The following ECPAS variants were observed in gnomAD, a reference collection of about 807,000 sequenced individuals.
The protein encoded by ECPAS is proteasome adapter and scaffold protein ECM29.
In ECPAS, 70 loss-of-function variants were observed where a neutral mutation model predicts 255.1. The ratio of observed to expected loss-of-function variants is 0.27; its 90% CI spans 0.23 to 0.33. The LOEUF is 0.33. Among genes scored for constraint, ECPAS ranks in the 10% least tolerant of loss-of-function variants. The pLI is 1.00. For missense variants in ECPAS, 1,817 were observed against 2,206.4 expected, an observed-to-expected ratio of 0.82 and a Z score of 3.54; for synonymous variants, 784 against 775.0, an observed-to-expected ratio of 1.01 and a Z score of -0.19.
chr9:111,421,407 A>ATGTGTG (rs1554790357), intron 15 of ECPAS, among the ~76,000 whole-genome samples: 6 of 127,354 alleles, frequency 4.7e-5, no homozygotes, highest in African/African-American at 1.8e-4. Context: ...CATATTACAT[A>ATGTGTG]TATGTGTGTG....
chr9:111,437,246 T>G (rs1474609195), intron 6 of ECPAS, 138 bp from the exon 7 acceptor site: 2 of 719,092 alleles, frequency 2.8e-6, no homozygotes, highest in Non-Finnish European at 4.0e-6. Context: ...TAAAATTTCA[T>G]CATAAAAAAA....
chr9:111,465,041 G>C (rs1471129535), intron 2 of ECPAS, among the ~76,000 whole-genome samples: 4 of 151,554 alleles, frequency 2.6e-5, no homozygotes, highest in Non-Finnish European at 5.9e-5. Context: ...AGGAGGCTGA[G>C]GCAGGAGAAT....
Position 111,397,075 on chromosome 9 carries a change from G to T in ECPAS, c.2731C>A (p.Arg911=). 6.2e-7 allele frequency: 1 copy of T among 1,613,874 alleles called. No homozygotes were observed. Among genetic ancestry groups the T allele is most frequent in the South Asian group, 1.1e-5 (1 of 91,078 alleles). The change falls in exon 25 of 50, where the codon CGA becomes AGA. Residue 911 remains arginine (R), a synonymous_variant. Transcript: ENST00000684092. Reference sequence around the variant, plus strand: ...TCTTCAGTCATTTGCCAGGCATCTCGGGCAGCCACAGAACTAGTTCCTATT... The same window carrying T: ...TCTTCAGTCATTTGCCAGGCATCTCTGGCAGCCACAGAACTAGTTCCTATT... ...AAIGTSSVAA[R]DAWQMTEEEY...
At chr9:111,408,754 C>G (rs1412554208) in intron 23 of ECPAS, 82 bp from the exon 24 acceptor site, 13 of 746,258 alleles carry the variant, frequency 1.7e-5, no homozygotes, top group Non-Finnish European at 2.7e-5. Context: ...AATGAGATGA[C>G]AGGGAAGCGC....
At chr9:111,402,210 G>GAGA (rs1179798273) in intron 24 of ECPAS, among the ~76,000 whole-genome samples, 1 of 152,156 alleles carries the variant, frequency 6.6e-6, no homozygotes, top group Non-Finnish European at 1.5e-5. Context: ...ATGTTCTTCT[G>GAGA]CCACAGCTTC....
chr9:111,423,326 C>T (rs2098216978), intron 12 of ECPAS, 78 bp from the exon 13 acceptor site: 8 of 970,582 alleles, frequency 8.2e-6, no homozygotes, highest in Non-Finnish European at 1.3e-5. Context: ...AACAGTAAAA[C>T]CTTTTCGCTG....
intron 24 of ECPAS, among the ~76,000 whole-genome samples, chr9:111,398,068 G>C (rs957541154): frequency 6.6e-6 from 1 of 152,186 alleles, no homozygotes; most frequent in Non-Finnish European, 1.5e-5. Context: ...GGAGAAATAA[G>C]GGAATGAACA....
chr9:111,410,056 A>C lies in ECPAS; in HGVS notation c.2535T>G (p.Ser845Arg). ...VESLLSRIPS[S>R]KETNKMKERA... is the part of the protein sequence containing the mutation. ...AAAAACTTACCTTATTTGTTTCTTT[A>C]CTGGAAGGTATTCTACTTAGTAAGC... is the stretch of plus-strand genomic sequence containing the variant. The change falls in exon 23 of 50, where the codon AGT becomes AGG. Residue 845 changes from serine to arginine, a missense_variant. By Grantham distance (110) the Ser-to-Arg change is moderately radical. Around this residue, in one of 4 missense-constraint regions of ECPAS, gnomAD observed 194 missense variants for 152.8 expected, o/e 1.27. Coordinates refer to ENST00000684092, the MANE Select transcript of ECPAS (RefSeq NM_001364929.1). 1 of 1,562,682 alleles carries C rather than the reference A, an allele frequency of 6.4e-7. No individual in the cohort carries two copies. Among genetic ancestry groups the C allele is most frequent in the Non-Finnish European group, 8.7e-7 (1 of 1,153,300 alleles).
At position 111,474,210 on chromosome 9, in the gene ECPAS, T is replaced by C. The variant is rs73533554; in HGVS notation, c.-82-1210A>G. On this transcript the variant is annotated intron_variant, in intron 1 of 49. Coordinates refer to ENST00000684092, the MANE Select transcript of ECPAS (RefSeq NM_001364929.1). ...TTCATTCAACAAATAATCTTTCTGC[T>C]GAACACAGACTACCTATCTGTTGAA... Among the ~76,000 whole-genome samples the C allele has an allele frequency of 3.0e-3, 461 of 152,312 alleles. 3 individuals are homozygous for C. Among genetic ancestry groups the C allele is most frequent in the African/African-American group, 0.01 (417 of 41,584 alleles).
At chr9:111,477,990 T>C (rs2098298591) in intron 1 of ECPAS, among the ~76,000 whole-genome samples, 1 of 151,588 alleles carries the variant, frequency 6.6e-6, no homozygotes, top group African/African-American at 2.4e-5. Flanking sequence ...AGTCTTGACT[T>C]CCTGGGTGCA....
At chr9:111,472,805 T>A in intron 2 of ECPAS, 92 bp downstream of exon 2, 1 of 255,948 alleles carries the variant, frequency 3.9e-6, no homozygotes, top group Non-Finnish European at 7.6e-6. Context: ...AACATGAAGA[T>A]CTTGGGGGGA....
At chr9:111,391,395 T>C (rs1244164928) in intron 29 of ECPAS, among the ~76,000 whole-genome samples, 1 of 151,872 alleles carries the variant, frequency 6.6e-6, no homozygotes, top group African/African-American at 2.4e-5. Flanking sequence ...CTGACCAACA[T>C]AGTGAAACCC....
At chr9:111,398,861 C>T (rs947389364) in intron 24 of ECPAS, among the ~76,000 whole-genome samples, 52 of 151,854 alleles carry the variant, frequency 3.4e-4, no homozygotes, top group African/African-American at 1.2e-3. Context: ...CGCTTGAACT[C>T]AGGAGGTGGA....
At chr9:111,476,517 T>A (rs1369281036) in intron 1 of ECPAS, among the ~76,000 whole-genome samples, 1 of 152,080 alleles carries the variant, frequency 6.6e-6, no homozygotes, top group Non-Finnish European at 1.5e-5. Flanking sequence ...AAACTAATGG[T>A]TTTCTTTTTT....
intron 45 of ECPAS, among the ~76,000 whole-genome samples, chr9:111,369,852 T>C (rs896531075): frequency 3.3e-5 from 5 of 152,152 alleles, no homozygotes; most frequent in Non-Finnish European, 7.4e-5. Flanking sequence ...GCAATTCACA[T>C]GGCACACTGA....
chr9:111,480,292 C>CTTT lies in ECPAS; in HGVS notation c.-83+3821_-83+3823dup, dbSNP rs398011866. Among the ~76,000 whole-genome samples the CTTT allele has an allele frequency of 2.1e-3, 136 of 63,596 alleles. 1 individual carries two copies. The highest frequency in any genetic ancestry group is 9.0e-3 in the East Asian group (18 of 2,000). 41.7% of individuals were successfully genotyped at this position (63,596 alleles called of 152,430 possible). On this transcript the variant is annotated intron_variant, in intron 1 of 49. Coordinates refer to ENST00000684092, the MANE Select transcript of ECPAS (RefSeq NM_001364929.1). ...AGTGGAATTCTTAAAAGCACCTTTTCTTTTTTTTTTTTTTTTTTTTTTTGA... is the reference window on the plus strand; with the variant it reads ...AGTGGAATTCTTAAAAGCACCTTTTCTTTTTTTTTTTTTTTTTTTTTTTTTTGA...
Position 111,483,743 on chromosome 9 carries a change from G to T in ECPAS, c.-83+373C>A. 3.1e-5 allele frequency: 5 copies of T among 162,334 alleles called. No individual in the cohort carries two copies. In the South Asian group the frequency reaches 8.6e-4, roughly 28 times the overall value. 10.1% of individuals were successfully genotyped at this position (162,334 alleles called of 1,614,324 possible). ...CCCTTCGCTGCCCCCGCGAGCTCGC[G>T]ACTCGGGCGCTCCCGCAGCCTCGCG... On this transcript the variant is annotated intron_variant, in intron 1 of 49. Transcript: ENST00000684092.
In ECPAS at chr9:111,383,313, T is replaced by A. The variant is rs1589127498; in HGVS notation, c.3701A>T (p.Asp1234Val). The stretch of plus-strand genomic sequence containing the variant: ...CTGGCCAGCTGCTCCTTTGGCAGGG[T>A]CACACATTTTCACACAGACCTCACA... Reference protein sequence around the residue: ...TLSKVCVKMCDPAKGAAGQRT... With the variant: ...TLSKVCVKMCVPAKGAAGQRT... Residue 1234 changes from aspartate (D) to valine (V), a missense_variant, in exon 35 of 50, where the codon GAC becomes GTC. Physicochemically the swap from Asp to Val is radical, Grantham distance 152. Transcript: ENST00000684092. The A allele has an allele frequency of 6.2e-7, 1 of 1,610,958 alleles. No individual in the cohort carries two copies. The highest frequency in any genetic ancestry group is 1.1e-5 in the South Asian group (1 of 90,326).
intron 18 of ECPAS, among the ~76,000 whole-genome samples, chr9:111,415,910 G>T (rs978718086): frequency 6.6e-6 from 1 of 152,060 alleles, no homozygotes; most frequent in Admixed American, 6.6e-5. Context: ...CCCTTAATAA[G>T]TGTGATCAAT....
Sources: allele counts gnomAD v4.1 joint callset (sites outside exome capture counted in the v4.1 genomes callset), GRCh38; gene constraint gnomAD v4.1.1; regional missense constraint gnomAD v4.1.1; transcripts MANE v1.5; gene names NCBI Gene and HGNC (gene_info 2026-07-23, HGNC 2026-07-21).